Variants in IGF2R observed in about 807,000 individuals in gnomAD.
IGF2R encodes insulin like growth factor 2 receptor.
Under a neutral mutation model 270.6 loss-of-function variants are expected in IGF2R, and 91 were observed. The observed-to-expected ratio is 0.34, with a 90% CI of 0.28 to 0.40. The LOEUF is 0.40. IGF2R is among the 10% of genes least tolerant of loss of function. The probability of loss-of-function intolerance (pLI) is 1.00; values close to 1 mark genes in which losing one functional copy is unlikely to be tolerated. For synonymous variants in IGF2R, 1,316 were observed against 1,258.9 expected, an observed-to-expected ratio of 1.05 and a Z score of -0.96; for missense variants, 2,805 against 3,188.3, an observed-to-expected ratio of 0.88 and a Z score of 2.90.
At chr6:159,978,690 G>T (rs1047571373) in intron 1 of IGF2R, among the ~76,000 whole-genome samples, 1 of 151,728 alleles carries the variant, frequency 6.6e-6, no homozygotes, top group African/African-American at 2.4e-5. Flanking sequence ...TTTTCGAGGT[G>T]CCCAAAGCAA....
At chr6:160,018,704 G>A (rs779488467) in intron 4 of IGF2R, among the ~76,000 whole-genome samples, 1 of 151,936 alleles carries the variant, frequency 6.6e-6, no homozygotes, top group Non-Finnish European at 1.5e-5. Context: ...AAATTAAATA[G>A]CCTGCTTCTG....
rs1463046447 is a variant in IGF2R, at chr6:160,084,037, G to T, written c.5921G>T (p.Gly1974Val). ...GRPQVFSEVR[G>V]CDVTFEWKTK... is the part of the protein sequence containing the mutation. ...CCACAAGTCTTCAGTGAAGTGCGTG[G>T]GTGTGATGTGACATTTGAGTGGAAA... The change falls in exon 40 of 48, where the codon GGG (glycine) becomes GTG (valine). Residue 1974 changes from glycine to valine, a missense_variant. Physicochemically the swap from Gly to Val is moderately radical, Grantham distance 109. Transcript: ENST00000356956. This position sits in a 1 kb window ranked among gnomAD's most constrained non-coding sequence, Gnocchi z 4.6. The T allele has an allele frequency of 1.9e-6, 3 of 1,614,120 alleles. No homozygotes were observed. Among genetic ancestry groups the T allele is most frequent in the Non-Finnish European group, 2.5e-6 (3 of 1,179,996 alleles).
At chr6:159,995,052 T>C (rs1408381348) in intron 2 of IGF2R, among the ~76,000 whole-genome samples, 2 of 152,206 alleles carry the variant, frequency 1.3e-5, no homozygotes, top group Non-Finnish European at 2.9e-5. Context: ...AAGTCTCTCA[T>C]TATTATTACA....
intron 4 of IGF2R, among the ~76,000 whole-genome samples, chr6:160,017,432 A>G (rs1413645239): frequency 1.3e-5 from 2 of 152,222 alleles, no homozygotes; most frequent in Non-Finnish European, 2.9e-5. Context: ...AAATCTGGAA[A>G]ATGTATTTGA....
chr6:160,078,911 C>T (rs1320179761), intron 37 of IGF2R, among the ~76,000 whole-genome samples: 1 of 152,182 alleles, frequency 6.6e-6, no homozygotes, highest in Non-Finnish European at 1.5e-5. Context: ...GCTGGTCTTA[C>T]TGATGTGGTG....
At chr6:159,980,675 C>T (rs530869173) in intron 1 of IGF2R, among the ~76,000 whole-genome samples, 22 of 152,242 alleles carry the variant, frequency 1.4e-4, no homozygotes, top group South Asian at 1.2e-3. Flanking sequence ...GCTGACAGCC[C>T]GCAGGTTTTC....
intron 4 of IGF2R, among the ~76,000 whole-genome samples, chr6:160,014,858 T>C (rs1046572266): frequency 6.6e-6 from 1 of 152,232 alleles, no homozygotes; most frequent in African/African-American, 2.4e-5. Flanking sequence ...TGCATGAATC[T>C]GGTGGTAGGC....
At chr6:160,057,258 G>A (rs764934001) in intron 20 of IGF2R, among the ~76,000 whole-genome samples, 6 of 152,240 alleles carry the variant, frequency 3.9e-5, no homozygotes, top group Non-Finnish European at 8.8e-5. Flanking sequence ...CTTGTTGAGT[G>A]CACCCTGCAG....
chr6:160,065,814 G>GTATGTGTATGTGTATATATATA (rs1778567787), intron 29 of IGF2R, among the ~76,000 whole-genome samples: 1 of 78,390 alleles, frequency 1.3e-5, no homozygotes, highest in Non-Finnish European at 2.3e-5. Context: ...GTGTGTGTGT[G>GTATGTGTATGTGTATATATATA]TATATATATA....
chr6:160,083,239 T>C (rs1779025010), intron 39 of IGF2R, among the ~76,000 whole-genome samples: 1 of 152,212 alleles, frequency 6.6e-6, no homozygotes, highest in Admixed American at 6.5e-5. Context: ...GACATGCACA[T>C]AGGCCAAATT....
intron 19 of IGF2R, among the ~76,000 whole-genome samples, chr6:160,054,665 C>T (rs534609212): frequency 5.1e-4 from 77 of 152,284 alleles, no homozygotes; most frequent in African/African-American, 1.3e-3. Flanking sequence ...TTAAGTTTCT[C>T]TGGAGTCCCC....
chr6:160,086,563 C>T (rs1326708974), intron 41 of IGF2R, among the ~76,000 whole-genome samples: 1 of 152,204 alleles, frequency 6.6e-6, no homozygotes, highest in African/African-American at 2.4e-5. Context: ...GGTTGAGCCT[C>T]CTGCCCAATC....
At chr6:160,103,563 A>G (rs1779542089) in intron 46 of IGF2R, among the ~76,000 whole-genome samples, 183 bp from the exon 47 acceptor site, 1 of 152,034 alleles carries the variant, frequency 6.6e-6, no homozygotes, top group Admixed American at 6.6e-5. Context: ...CCACTCAATC[A>G]CAACAAATAC....
chr6:159,972,265 A>G (rs1783620351), intron 1 of IGF2R, among the ~76,000 whole-genome samples: 1 of 152,196 alleles, frequency 6.6e-6, no homozygotes, highest in African/African-American at 2.4e-5. Flanking sequence ...CGAGTCCTAC[A>G]AATGTCCCCG....
At chr6:160,071,864 G>A in intron 31 of IGF2R, 46 bp from the exon 32 acceptor site, 2 of 1,603,136 alleles carry the variant, frequency 1.2e-6, no homozygotes, top group South Asian at 1.1e-5. Context: ...GATAGACATG[G>A]AGTTTTTGCG....
At chr6:159,997,691 G>C (rs73596418) in intron 2 of IGF2R, among the ~76,000 whole-genome samples, 1,937 of 152,192 alleles carry the variant, frequency 0.013, 48 homozygotes, top group African/African-American at 0.045. Flanking sequence ...CATCCCAGGG[G>C]TTCTCCACCA....
chr6:160,014,682 T>C (rs966647013), intron 4 of IGF2R, among the ~76,000 whole-genome samples: 1 of 152,218 alleles, frequency 6.6e-6, no homozygotes, highest in Non-Finnish European at 1.5e-5. Flanking sequence ...GCATCTTGTC[T>C]TGCATCCTAC....
chr6:160,037,594 A>AT (rs917304712), intron 10 of IGF2R, among the ~76,000 whole-genome samples: 23 of 152,234 alleles, frequency 1.5e-4, no homozygotes, highest in East Asian at 1.9e-4. Context: ...TGGTCATAAT[A>AT]TTTTTTACCA....
chr6:160,003,598 A>T (rs953458889), intron 2 of IGF2R: 7 of 152,240 alleles, frequency 4.6e-5, no homozygotes, highest in Non-Finnish European at 1.0e-4. Flanking sequence ...CTAAAATTAT[A>T]TGTGTACATT....
Sources: gnomAD v4.1 joint callset for allele counts (sites outside exome capture counted in the v4.1 genomes callset) on GRCh38, gnomAD v4.1.1 for gene constraint, Gnocchi (gnomAD v3.1) non-coding constraint, MANE v1.5 for transcripts, NCBI Gene and HGNC (gene_info 2026-07-23, HGNC 2026-07-21) for gene names.